VOPP1: variants seen among roughly 807,000 people sequenced by gnomAD.
The protein encoded by VOPP1 is WW domain binding protein VOPP1.
In VOPP1, 8 loss-of-function variants were observed where a neutral mutation model predicts 23.5. That is an observed-to-expected ratio of 0.34 (90% CI 0.20 to 0.61). The LOEUF is 0.61. Ranked by LOEUF, VOPP1 falls within the 20% of genes least tolerant of loss-of-function variation. The pLI is 0.78. For synonymous variants in VOPP1, 83 were observed against 97.3 expected, an observed-to-expected ratio of 0.85 and a Z score of 0.86; for missense variants, 174 against 238.1, an observed-to-expected ratio of 0.73 and a Z score of 1.77.
chr7:55,435,354 G>A (rs1266429563), downstream of VOPP1, among the ~76,000 whole-genome samples: 5 of 152,188 alleles, frequency 3.3e-5, no homozygotes, highest in Non-Finnish European at 5.9e-5. Context: ...ATGGAGCCGG[G>A]GGTGCTGTGG....
chr7:55,502,254 T>A (rs1794419782), intron 2 of VOPP1, among the ~76,000 whole-genome samples: 1 of 152,260 alleles, frequency 6.6e-6, no homozygotes, highest in Non-Finnish European at 1.5e-5. Context: ...ATACCCGTCC[T>A]AGAATATTTG....
intron 1 of VOPP1, chr7:55,561,767 A>G (rs1402890045): frequency 2.3e-5 from 11 of 480,728 alleles, no homozygotes; most frequent in East Asian, 6.7e-5. Flanking sequence ...AAAAAAACAA[A>G]CAAGCAATTA....
At chr7:55,520,444 G>T (rs1006593808) in intron 2 of VOPP1, among the ~76,000 whole-genome samples, 3 of 152,136 alleles carry the variant, frequency 2.0e-5, no homozygotes, top group Non-Finnish European at 4.4e-5. Flanking sequence ...GGCTCCACAG[G>T]GCTGGTGGCT....
At chr7:55,454,000 C>T (rs1043694612) in intron 4 of VOPP1, among the ~76,000 whole-genome samples, 3 of 152,094 alleles carry the variant, frequency 2.0e-5, no homozygotes, top group Admixed American at 6.5e-5. Flanking sequence ...ACCAAATCCT[C>T]ATTTATTCAT....
At chr7:55,551,176 T>G (rs972838790) in intron 1 of VOPP1, among the ~76,000 whole-genome samples, 1 of 152,170 alleles carries the variant, frequency 6.6e-6, no homozygotes, top group Non-Finnish European at 1.5e-5. Context: ...CTTCCAGACT[T>G]CTCTACAGCA....
At chr7:55,503,977 T>A (rs184691667) in intron 2 of VOPP1, among the ~76,000 whole-genome samples, 1 of 152,386 alleles carries the variant, frequency 6.6e-6, no homozygotes, top group East Asian at 1.9e-4. Flanking sequence ...TCTCTGCATC[T>A]GGTGGAGCAG....
chr7:55,456,019 C>T lies in VOPP1; in HGVS notation n.418-19845G>A, dbSNP rs1429326751. ...ACTATCATCAGAGTGAACAGGCAACCTACAGAACGGGAGAAAATTTTTACA... is the reference window on the plus strand; with the variant it reads ...ACTATCATCAGAGTGAACAGGCAACTTACAGAACGGGAGAAAATTTTTACA... On this transcript the variant is annotated intron_variant and non_coding_transcript_variant, in intron 4 of 4. Transcript: ENST00000462326. 5.3e-5 allele frequency among the ~76,000 whole-genome samples: 8 copies of T among 152,082 alleles called. No homozygotes were observed. The South Asian group carries it at 1.5e-3, about 28-fold the overall frequency.
intron 4 of VOPP1, among the ~76,000 whole-genome samples, chr7:55,491,909 A>G (rs1362854307): frequency 6.6e-6 from 1 of 152,254 alleles, no homozygotes; most frequent in Non-Finnish European, 1.5e-5. Context: ...ACCATTTAGT[A>G]ACATAATTAG....
At chr7:55,514,636 T>C (rs1304090706) in intron 2 of VOPP1, among the ~76,000 whole-genome samples, 1 of 152,172 alleles carries the variant, frequency 6.6e-6, no homozygotes, top group Non-Finnish European at 1.5e-5. Flanking sequence ...CACAGATGTT[T>C]TATTTCAGCA....
At chr7:55,525,659 C>T (rs1022993346) in intron 1 of VOPP1, among the ~76,000 whole-genome samples, 7 of 152,020 alleles carry the variant, frequency 4.6e-5, no homozygotes, top group East Asian at 1.9e-4. Context: ...GTTCATCTTA[C>T]GTGGTACTCG....
At chr7:55,554,087 A>G (rs1797720532) in intron 1 of VOPP1, among the ~76,000 whole-genome samples, 1 of 152,232 alleles carries the variant, frequency 6.6e-6, no homozygotes, top group Non-Finnish European at 1.5e-5. Context: ...CAAAATTGTG[A>G]TTACTGGTAA....
chr7:55,472,851 C>G lies in VOPP1; in HGVS notation c.*4G>C. On this transcript the variant is annotated 3_prime_UTR_variant, in exon 5 of 5. Transcript: ENST00000285279. ...TGTCTCTCCTCTTGCACGTGGGCACCCCACTACTTGGCCTTCACTACCTGT... is the reference window on the plus strand; with the variant it reads ...TGTCTCTCCTCTTGCACGTGGGCACGCCACTACTTGGCCTTCACTACCTGT... 2.5e-6 allele frequency: 3 copies of G among 1,215,820 alleles called. No homozygotes were observed. Among genetic ancestry groups the G allele is most frequent in the Non-Finnish European group, 3.3e-6 (3 of 914,024 alleles). 75.3% of individuals were successfully genotyped at this position (1,215,820 alleles called of 1,614,324 possible).
At chr7:55,451,297 C>T (rs1791237518) in intron 4 of VOPP1, among the ~76,000 whole-genome samples, 1 of 152,098 alleles carries the variant, frequency 6.6e-6, no homozygotes, top group African/African-American at 2.4e-5. Context: ...AAAAGAAACG[C>T]CTGAAGTACA....
intron 1 of VOPP1, among the ~76,000 whole-genome samples, chr7:55,564,831 C>T (rs4948036): frequency 1.3e-5 from 2 of 151,844 alleles, no homozygotes; most frequent in Non-Finnish European, 2.9e-5. Context: ...TTTCTCTTTA[C>T]AGGTGTATGT....
At chr7:55,461,542 C>A (rs1041860864) in intron 4 of VOPP1, among the ~76,000 whole-genome samples, 2 of 152,080 alleles carry the variant, frequency 1.3e-5, no homozygotes, top group Non-Finnish European at 2.9e-5. Context: ...CTTAGCCTCC[C>A]GAGTAGCTGG....
At chr7:55,543,544 G>A (rs947562897) in intron 1 of VOPP1, among the ~76,000 whole-genome samples, 4 of 152,128 alleles carry the variant, frequency 2.6e-5, no homozygotes, top group Admixed American at 1.3e-4. Flanking sequence ...GTGTTTGAGA[G>A]GTCCCCTTTC....
At chr7:55,456,734 G>A (rs1479250330) in intron 4 of VOPP1, among the ~76,000 whole-genome samples, 1 of 152,144 alleles carries the variant, frequency 6.6e-6, no homozygotes, top group East Asian at 1.9e-4. Context: ...TCACTCATAA[G>A]TGGGAGTTGA....
chr7:55,549,194 A>C (rs1797495229), intron 1 of VOPP1, among the ~76,000 whole-genome samples: 1 of 152,214 alleles, frequency 6.6e-6, no homozygotes. Context: ...AGATAGGACC[A>C]GTTAATCATA....
At chr7:55,534,321 A>G (rs1007898211) in intron 1 of VOPP1, among the ~76,000 whole-genome samples, 34 of 152,102 alleles carry the variant, frequency 2.2e-4, no homozygotes, top group Non-Finnish European at 4.6e-4. Context: ...CATTTCTCAT[A>G]TAATTTCCTA....
Sources: allele counts gnomAD v4.1 joint callset (sites outside exome capture counted in the v4.1 genomes callset), GRCh38; gene constraint gnomAD v4.1.1; transcripts MANE v1.5; gene names NCBI Gene and HGNC (gene_info 2026-07-23, HGNC 2026-07-21).